The following CYP4F2 variants were observed in gnomAD, a reference collection of about 807,000 sequenced individuals.
CYP4F2 encodes cytochrome P450 4F2.
A neutral mutation model predicts 58.9 loss-of-function variants in CYP4F2; 58 were observed. That is an observed-to-expected ratio of 0.98 (90% CI 0.80 to 1.23). CYP4F2 has a LOEUF of 1.23. Ranked by LOEUF, CYP4F2 falls within the 50% of genes most tolerant of loss-of-function variation. The probability of loss-of-function intolerance (pLI) is 0.00; values close to 1 mark genes in which losing one functional copy is unlikely to be tolerated. For synonymous variants in CYP4F2, 287 were observed against 261.1 expected (o/e 1.10, Z -0.95); for missense variants, 616 against 685.6 (o/e 0.90, Z 1.13).
At chr19:15,892,618 C>T in intron 3 of CYP4F2, 36 bp from the exon 4 acceptor site, 1 of 1,604,662 alleles carries the variant, frequency 6.2e-7, no homozygotes, top group Non-Finnish European at 8.5e-7. Context: ...GCCATGGAGG[C>T]AGGTGAAAGA....
rs373459736 is a variant in CYP4F2, at chr19:15,879,599, C to G, written c.1314+5G>C. On this transcript the variant is annotated splice_donor_5th_base_variant and intron_variant, in intron 11 of 12. Coordinates refer to ENST00000221700, the MANE Select transcript of CYP4F2 (RefSeq NM_001082.5). Reference sequence around the variant, plus strand: ...TGGACAAAAACAGAGAGAGGGGCCCCGCACCTCAGGGTCCGGCCACACAGC... The same window carrying G: ...TGGACAAAAACAGAGAGAGGGGCCCGGCACCTCAGGGTCCGGCCACACAGC... 5 of 1,613,932 alleles carry G rather than the reference C, an allele frequency of 3.1e-6. No individual in the cohort carries two copies. The highest frequency in any genetic ancestry group is 3.4e-6 in the Non-Finnish European group (4 of 1,179,982).
At chr19:15,880,822 A>C (rs1365322200) in intron 9 of CYP4F2, among the ~76,000 whole-genome samples, 19 of 152,252 alleles carry the variant, frequency 1.2e-4, no homozygotes, top group Non-Finnish European at 1.5e-5. Context: ...ATAGATTTTA[A>C]AATTTAATAA....
chr19:15,888,752 C>T (rs1342148550), intron 7 of CYP4F2, among the ~76,000 whole-genome samples: 1 of 152,074 alleles, frequency 6.6e-6, no homozygotes, highest in Non-Finnish European at 1.5e-5. Flanking sequence ...CAAGCACAGG[C>T]ACAGACAAAG....
At position 15,892,331 on chromosome 19, in the gene CYP4F2, T is replaced by G; in HGVS notation, c.503A>C (p.Asn168Thr). The stretch of plus-strand genomic sequence containing the variant: ...CACGTGCATGATGTTCACACTCTCA[T>G]TGAAAATCTTCATATAGGGCTTCAG... ...NILKPYMKIFNESVNIMHAKW... is the reference protein window; with the variant it reads ...NILKPYMKIFTESVNIMHAKW... Residue 168 changes from asparagine to threonine, a missense_variant, in exon 5 of 13, where the codon AAT becomes ACT. By Grantham distance (65) the Asn-to-Thr change is moderately conservative (BLOSUM62 0). Transcript: ENST00000221700. The G allele has an allele frequency of 4.3e-6, 7 of 1,614,182 alleles. No homozygotes were observed. The highest frequency in any genetic ancestry group is 5.9e-6 in the Non-Finnish European group (7 of 1,180,036).
intron 9 of CYP4F2, among the ~76,000 whole-genome samples, chr19:15,880,606 C>A (rs192775282): frequency 1.9e-4 from 28 of 149,566 alleles, no homozygotes; most frequent in African/African-American, 6.0e-4. Context: ...CCAACCTGGG[C>A]GATAGAGACT....
At chr19:15,893,362 A>G (rs756625358) in intron 3 of CYP4F2, among the ~76,000 whole-genome samples, 38 of 152,292 alleles carry the variant, frequency 2.5e-4, no homozygotes, top group Middle Eastern at 3.4e-3. Context: ...GTCAAACAGC[A>G]CCTGAGACAA....
chr19:15,890,231 T>C, intron 6 of CYP4F2, 81 bp downstream of exon 6: 1 of 1,600,798 alleles, frequency 6.2e-7, no homozygotes. Context: ...GTTTGTCTGG[T>C]TTCCCTGCTT....
chr19:15,897,884 AGGTTGCCAGG>A, intron 1 of CYP4F2, 132 bp downstream of exon 1: 1 of 356,234 alleles, frequency 2.8e-6, no homozygotes, highest in South Asian at 3.0e-5. Context: ...AATCACTGTG[AGGTTGCCAGG>A]GGCTTGGTTT....
Position 15,897,495 on chromosome 19 carries a change from G to A in CYP4F2, c.117C>T (p.Tyr39=), listed in dbSNP as rs764549474. ...GGCGGCGGCAGTTGTCATAGAAGGC[G>A]TAGGTCCAGGCCAGGACATGGGCCA... ...WLLAHVLAWT[Y]AFYDNCRRLR... Residue 39 remains tyrosine (Y), a synonymous_variant, in exon 2 of 13, where the codon TAC becomes TAT. Coordinates refer to ENST00000221700, the MANE Select transcript of CYP4F2 (RefSeq NM_001082.5). 2.0e-5 allele frequency: 33 copies of A among 1,613,900 alleles called. No homozygotes were observed. Among genetic ancestry groups the A allele is most frequent in the South Asian group, 4.4e-5 (4 of 91,084 alleles).
chr19:15,890,126 C>T (rs914143360), intron 6 of CYP4F2, among the ~76,000 whole-genome samples, 186 bp downstream of exon 6: 17 of 152,304 alleles, frequency 1.1e-4, no homozygotes, highest in African/African-American at 4.1e-4. Context: ...ACCACACCCA[C>T]CAGTTCAAAC....
At chr19:15,881,480 C>A (rs1230346588) in intron 9 of CYP4F2, among the ~76,000 whole-genome samples, 5 of 151,014 alleles carry the variant, frequency 3.3e-5, no homozygotes, top group Non-Finnish European at 7.4e-5. Context: ...AGAGAATAGA[C>A]AGATACATAC....
chr19:15,886,079 G>A (rs752937253), intron 8 of CYP4F2, 26 bp from the exon 9 acceptor site: 1 of 1,610,978 alleles, frequency 6.2e-7, no homozygotes, highest in South Asian at 1.1e-5. Flanking sequence ...GCAGGCTTGG[G>A]TCTCTGGGCT....
At chr19:15,885,080 C>T (rs2089368825) in intron 9 of CYP4F2, among the ~76,000 whole-genome samples, 1 of 151,616 alleles carries the variant, frequency 6.6e-6, no homozygotes, top group Admixed American at 6.6e-5. Context: ...TCTGTCCTGA[C>T]CCTGCTCTCT....
chr19:15,892,164 C>T, intron 5 of CYP4F2, 145 bp downstream of exon 5: 1 of 1,376,608 alleles, frequency 7.3e-7, no homozygotes, highest in African/African-American at 1.4e-5. Flanking sequence ...ATTATTATCC[C>T]CATTTTACAG....
Position 15,891,723 on chromosome 19 carries a change from G to A in CYP4F2, c.525+586C>T, listed in dbSNP as rs542519353. ...CCCTGCCTGCATTGTGAACCATGGC[G>A]CGCCTTCTGGAAGGAGACAATCATA... On this transcript the variant is annotated intron_variant, in intron 5 of 12. Coordinates refer to ENST00000221700, the MANE Select transcript of CYP4F2 (RefSeq NM_001082.5). Among the ~76,000 whole-genome samples the A allele has an allele frequency of 7.4e-4, 112 of 152,208 alleles. 1 individual carries two copies. The highest frequency in any genetic ancestry group is 2.4e-3 in the African/African-American group (99 of 41,538).
At chr19:15,895,678 T>G in intron 2 of CYP4F2, 28 bp from the exon 3 acceptor site, 2 of 1,580,550 alleles carry the variant, frequency 1.3e-6, no homozygotes, top group Non-Finnish European at 8.6e-7. Flanking sequence ...GTCATTACCT[T>G]CTGTGATAGT....
In CYP4F2 at chr19:15,878,744, T is replaced by C. The variant is rs542536731; in HGVS notation, c.*27A>G. On this transcript the variant is annotated 3_prime_UTR_variant, in exon 13 of 13. Transcript: ENST00000221700. ...TTTGATGAATCAGGGGTCATTTTAG[T>C]GGGGTCAGAGTGGGTCTCTGCAGAA... 1,652 of 1,609,944 alleles carry C rather than the reference T, an allele frequency of 1.0e-3. 22 individuals carry two copies. The South Asian group carries it at 0.017, about 17-fold the overall frequency.
chr19:15,879,978 C>T, intron 9 of CYP4F2, 81 bp from the exon 10 acceptor site: 1 of 1,577,370 alleles, frequency 6.3e-7, no homozygotes, highest in South Asian at 1.2e-5. Flanking sequence ...GCAAGTGAGA[C>T]CTTTTCTCCC....
intron 2 of CYP4F2, 135 bp downstream of exon 2, chr19:15,897,279 A>C: frequency 2.1e-5 from 19 of 898,256 alleles, no homozygotes; most frequent in East Asian, 2.6e-5. Flanking sequence ...AAGCAGAGGA[A>C]TGAGTAAGAT....
Sources: gnomAD v4.1 joint callset for allele counts (sites outside exome capture counted in the v4.1 genomes callset) on GRCh38, gnomAD v4.1.1 for gene constraint, MANE v1.5 for transcripts, NCBI Gene and HGNC (gene_info 2026-07-23, HGNC 2026-07-21) for gene names.